The following C12orf56 variants were observed in gnomAD, a reference collection of about 807,000 sequenced individuals.
The protein encoded by C12orf56 is uncharacterized protein C12orf56.
C12orf56 carries 71 observed loss-of-function variants against 69.9 expected under a neutral mutation model. The ratio of observed to expected loss-of-function variants is 1.02; its 90% CI spans 0.84 to 1.24. The LOEUF is 1.24. Among genes scored for constraint, C12orf56 ranks in the 50% most tolerant of loss-of-function variants. C12orf56 has a pLI of 0.00. For missense variants in C12orf56, 732 were observed against 738.5 expected (o/e 0.99, Z 0.10); for synonymous variants, 276 against 274.1 (o/e 1.01, Z -0.07).
In C12orf56 at chr12:64,286,072, AGTTGG is replaced by A. The variant is rs1443325361; in HGVS notation, c.1114-17_1114-13del. 2.6e-6 allele frequency: 4 copies of A among 1,523,200 alleles called. No homozygotes were observed. The highest frequency in any genetic ancestry group is 2.4e-5 in the South Asian group (2 of 84,820). The allele number at this position is 1,523,200 out of a possible 1,614,324, so 94.4% of individuals were successfully genotyped here. A position where few individuals can be genotyped will look rare whatever the true frequency, so the allele number is the denominator to read the frequency against. On this transcript the variant is annotated splice_polypyrimidine_tract_variant and intron_variant, in intron 6 of 12. Coordinates refer to ENST00000543942, the MANE Select transcript of C12orf56 (RefSeq NM_001170633.2). ...AAAAGGTCACTGGTCTGTGAAAGCA[AGTTGG>A]AAAAAAAGACAGTAATTAAGGTATC...
Position 64,336,978 on chromosome 12 carries a change from T to G in C12orf56, c.416-5946A>C, listed in dbSNP as rs1161369583. ...AAGCTAGTAATGGAGATGAGGAAAC[T>G]GAGACTCATAAAGGTTAAGTGACTT... On this transcript the variant is annotated intron_variant, in intron 2 of 12. Coordinates refer to ENST00000543942, the MANE Select transcript of C12orf56 (RefSeq NM_001170633.2). Among the ~76,000 whole-genome samples the G allele has an allele frequency of 4.6e-5, 7 of 152,286 alleles. No homozygotes were observed. The South Asian group carries it at 1.2e-3, about 27-fold the overall frequency.
At chr12:64,376,160 A>G (rs1251997463) in intron 1 of C12orf56, among the ~76,000 whole-genome samples, 1 of 152,164 alleles carries the variant, frequency 6.6e-6, no homozygotes, top group Non-Finnish European at 1.5e-5. Flanking sequence ...CACAACCAAC[A>G]CTTCAGAAGT....
chr12:64,317,701 A>T (rs765226351), intron 4 of C12orf56, among the ~76,000 whole-genome samples: 6 of 151,854 alleles, frequency 4.0e-5, no homozygotes, highest in Non-Finnish European at 7.4e-5. Flanking sequence ...TAGAGGTTTC[A>T]GTGAGCCGAG....
intron 2 of C12orf56, among the ~76,000 whole-genome samples, chr12:64,333,266 G>C (rs1430372893): frequency 6.6e-6 from 1 of 152,172 alleles, no homozygotes; most frequent in East Asian, 1.9e-4. Context: ...CTGCTGGCAT[G>C]CTGGAAAGGA....
chr12:64,346,968 C>G (rs1324940387), intron 2 of C12orf56, among the ~76,000 whole-genome samples: 2 of 128,970 alleles, frequency 1.6e-5, no homozygotes, highest in African/African-American at 2.7e-5. Context: ...CTATATCTGT[C>G]TATCTAGTTA....
At chr12:64,274,484 G>C (rs867731309) in intron 11 of C12orf56, among the ~76,000 whole-genome samples, 11 of 152,316 alleles carry the variant, frequency 7.2e-5, no homozygotes, top group African/African-American at 2.6e-4. Context: ...AGACCATTGA[G>C]ATGTGATTGT....
At chr12:64,380,104 CA>C (rs60079906) in intron 1 of C12orf56, among the ~76,000 whole-genome samples, 292 of 49,962 alleles carry the variant, frequency 5.8e-3, no homozygotes, top group African/African-American at 0.016. Context: ...GACTCCGTCG[CA>C]AAAAAAAAAA....
At chr12:64,279,927 T>C (rs2038100792) in intron 8 of C12orf56, among the ~76,000 whole-genome samples, 1 of 152,186 alleles carries the variant, frequency 6.6e-6, no homozygotes, top group Admixed American at 6.5e-5. Flanking sequence ...GTCCTTTATT[T>C]TCAGTAACAG....
chr12:64,362,278 T>C (rs2039409322), intron 1 of C12orf56, among the ~76,000 whole-genome samples: 1 of 152,120 alleles, frequency 6.6e-6, no homozygotes, highest in Non-Finnish European at 1.5e-5. Flanking sequence ...AAGACTTGCT[T>C]TGGAAGGAAC....
chr12:64,307,852 A>T (rs4763152), intron 5 of C12orf56, among the ~76,000 whole-genome samples: 84,753 of 147,582 alleles, frequency 0.57, 25,233 homozygotes, highest in Non-Finnish European at 0.66. Context: ...ATAAATAAAT[A>T]AATTAATTAA....
chr12:64,269,871 G>C (rs768730477), intron 12 of C12orf56, among the ~76,000 whole-genome samples: 3 of 152,102 alleles, frequency 2.0e-5, no homozygotes, highest in Non-Finnish European at 4.4e-5. Flanking sequence ...TTACAGGCAT[G>C]AGCCACCATG....
intron 1 of C12orf56, among the ~76,000 whole-genome samples, chr12:64,379,577 C>A (rs936019067): frequency 9.9e-5 from 15 of 151,666 alleles, no homozygotes; most frequent in African/African-American, 1.5e-4. Flanking sequence ...TGAGCCACCG[C>A]GCCCAGCCTG....
In C12orf56 at chr12:64,390,602, G is replaced by T. The variant is rs761561635; in HGVS notation, c.-37C>A. 2 of 1,467,024 alleles carry T rather than the reference G, an allele frequency of 1.4e-6. No individual in the cohort carries two copies. The highest frequency in any genetic ancestry group is 1.4e-5 in the African/African-American group (1 of 69,116). The allele number at this position is 1,467,024 out of a possible 1,614,324, so 90.9% of individuals were successfully genotyped here. On this transcript the variant is annotated 5_prime_UTR_variant, in exon 1 of 13. Coordinates refer to ENST00000543942, the MANE Select transcript of C12orf56 (RefSeq NM_001170633.2). Reference sequence around the variant, plus strand: ...GCAGCGTGGCGGAGTGCTGGGACTCGAGGCCCTCAGCTCGCCCTCTCCCCG... The same window carrying T: ...GCAGCGTGGCGGAGTGCTGGGACTCTAGGCCCTCAGCTCGCCCTCTCCCCG...
At chr12:64,271,107 G>A (rs1448780089) in intron 11 of C12orf56, among the ~76,000 whole-genome samples, 6 of 152,114 alleles carry the variant, frequency 3.9e-5, no homozygotes, top group Admixed American at 2.6e-4. Flanking sequence ...AGAGGTTGCA[G>A]TGAGCCGAGA....
intron 3 of C12orf56, among the ~76,000 whole-genome samples, chr12:64,319,697 C>T (rs2038745728): frequency 6.6e-6 from 1 of 152,156 alleles, no homozygotes; most frequent in Non-Finnish European, 1.5e-5. Context: ...TAGCTCACAC[C>T]CAACCAATCA....
At position 64,338,558 on chromosome 12, in the gene C12orf56, G is replaced by C. The variant is rs192430372; in HGVS notation, c.416-7526C>G. ...CCTCACTCTGAGGACTTTGAGTCTT[G>C]CTTGATTCATCAAATTGGACATCTG... On this transcript the variant is annotated intron_variant, in intron 2 of 12. Coordinates refer to ENST00000543942, the MANE Select transcript of C12orf56 (RefSeq NM_001170633.2). 1.5e-4 allele frequency: 217 copies of C among 1,490,762 alleles called. 1 individual carries two copies. In the East Asian group the frequency reaches 4.8e-3, roughly 33 times the overall value. The allele number at this position is 1,490,762 out of a possible 1,614,324, so 92.3% of individuals were successfully genotyped here.
chr12:64,280,698 G>A (rs1053220453), intron 8 of C12orf56, among the ~76,000 whole-genome samples: 9 of 152,122 alleles, frequency 5.9e-5, no homozygotes, highest in East Asian at 1.9e-4. Flanking sequence ...GGTGAGCCCC[G>A]AAAAAGAGAT....
Position 64,331,169 on chromosome 12 carries a change from G to A in C12orf56, c.416-137C>T, listed in dbSNP as rs182941715. On this transcript the variant is annotated intron_variant, in intron 2 of 12. Coordinates refer to ENST00000543942, the MANE Select transcript of C12orf56 (RefSeq NM_001170633.2). ...TTGTAAGTCCAAAATTGTAAGCTGG[G>A]TAGCACGATGGAGCAAAAAGAACTT... is the stretch of plus-strand genomic sequence containing the variant. 4 of 730,752 alleles carry A rather than the reference G, an allele frequency of 5.5e-6. No individual in the cohort carries two copies. In the Admixed American group the frequency reaches 1.2e-4, roughly 23 times the overall value. The allele number at this position is 730,752 out of a possible 1,614,324, so 45.3% of individuals were successfully genotyped here. A position where few individuals can be genotyped will look rare whatever the true frequency, so the allele number is the denominator to read the frequency against.
intron 6 of C12orf56, among the ~76,000 whole-genome samples, chr12:64,287,243 CAAAAAAAAAAA>C (rs534894017): frequency 1.0e-5 from 1 of 98,770 alleles, no homozygotes; most frequent in African/African-American, 4.1e-5. Flanking sequence ...GAGACTCCAT[CAAAAAAAAAAA>C]AAAAAAAAAG....
Sources: allele counts gnomAD v4.1 joint callset (sites outside exome capture counted in the v4.1 genomes callset), GRCh38; gene constraint gnomAD v4.1.1; transcripts MANE v1.5; gene names NCBI Gene and HGNC (gene_info 2026-07-23, HGNC 2026-07-21).